Variants in MUSK observed in about 807,000 individuals in gnomAD.
MUSK encodes muscle associated receptor tyrosine kinase.
In MUSK, 55 loss-of-function variants were observed where a neutral mutation model predicts 88.7. The ratio of observed to expected loss-of-function variants is 0.62; its 90% CI spans 0.50 to 0.78. The LOEUF (loss-of-function observed/expected upper bound fraction) is 0.78, where lower values mean the gene tolerates loss of function less well. Among genes scored for constraint, MUSK ranks in the 30% least tolerant of loss-of-function variants. The probability of loss-of-function intolerance (pLI) is 0.00; values close to 1 mark genes in which losing one functional copy is unlikely to be tolerated. For synonymous variants in MUSK, 387 were observed against 391.9 expected (o/e 0.99, Z 0.15); for missense variants, 1,015 against 1,074.3 (o/e 0.94, Z 0.77).
At chr9:110,716,058 G>A (rs1185230564) in intron 5 of MUSK, among the ~76,000 whole-genome samples, 2 of 149,592 alleles carry the variant, frequency 1.3e-5, no homozygotes, top group African/African-American at 5.1e-5. Context: ...GATCTGTGCA[G>A]CAAACCACCG....
At chr9:110,764,253 G>A (rs916320559) in intron 8 of MUSK, among the ~76,000 whole-genome samples, 11 of 152,300 alleles carry the variant, frequency 7.2e-5, no homozygotes, top group East Asian at 3.9e-4. Flanking sequence ...GCAGTACCAC[G>A]AACTGCAGGC....
chr9:110,803,261 A>G lies in MUSK; in HGVS notation c.*2273A>G, dbSNP rs1233764886. The stretch of plus-strand genomic sequence containing the variant: ...TAAATATATGAACTTAAACCTCACA[A>G]CATCCCTGTAATGTTGGTACTATCA... On this transcript the variant is annotated 3_prime_UTR_variant, in exon 15 of 15. Transcript: ENST00000374448. Among the ~76,000 whole-genome samples the G allele has an allele frequency of 2.0e-5, 3 of 152,218 alleles. No homozygotes were observed. Among genetic ancestry groups the G allele is most frequent in the Non-Finnish European group, 4.4e-5 (3 of 68,034 alleles).
chr9:110,694,414 A>C (rs925413456), intron 3 of MUSK, among the ~76,000 whole-genome samples: 1 of 135,646 alleles, frequency 7.4e-6, no homozygotes, highest in Admixed American at 7.1e-5. Context: ...AAACAAAAAA[A>C]CAAAACCCAA....
chr9:110,686,312 C>G (rs1368871772), intron 2 of MUSK, among the ~76,000 whole-genome samples: 2 of 152,006 alleles, frequency 1.3e-5, no homozygotes, highest in East Asian at 3.9e-4. Flanking sequence ...AGGGACCATT[C>G]GAATAGTCCA....
At chr9:110,730,424 T>A (rs1051127899) in intron 5 of MUSK, among the ~76,000 whole-genome samples, 1 of 152,110 alleles carries the variant, frequency 6.6e-6, no homozygotes, top group African/African-American at 2.4e-5. Context: ...TAATTGTTTA[T>A]GTAACAAAAA....
chr9:110,729,338 A>AAAAAAAG (rs2076934502), intron 5 of MUSK, among the ~76,000 whole-genome samples: 2 of 147,110 alleles, frequency 1.4e-5, no homozygotes, highest in African/African-American at 2.5e-5. Flanking sequence ...AAAAAAAAAA[A>AAAAAAAG]AAAAAAGAAA....
intron 6 of MUSK, among the ~76,000 whole-genome samples, chr9:110,741,504 T>A (rs1354577491): frequency 1.3e-5 from 2 of 152,030 alleles, no homozygotes; most frequent in African/African-American, 4.8e-5. Flanking sequence ...TGCGTCAATG[T>A]GTGAAATTTT....
chr9:110,740,034 G>T (rs2077077188), intron 6 of MUSK, among the ~76,000 whole-genome samples: 1 of 152,116 alleles, frequency 6.6e-6, no homozygotes, highest in Non-Finnish European at 1.5e-5. Context: ...ATCCCAAATT[G>T]TGTTTAATGC....
intron 7 of MUSK, among the ~76,000 whole-genome samples, chr9:110,761,194 G>A (rs1047644549): frequency 1.3e-5 from 2 of 152,208 alleles, no homozygotes; most frequent in Admixed American, 6.5e-5. Flanking sequence ...GGCAGAGTCT[G>A]AGTTGGGGCT....
rs149190836 is a variant in MUSK, at chr9:110,788,046, A to G, written c.1927+208A>G. ...TATCCCTCTTTAAATTCATCACTTC[A>G]ATTTGTCTCTGTCTTTGCTGCCTCC... On this transcript the variant is annotated intron_variant, in intron 14 of 14. Coordinates refer to ENST00000374448, the MANE Select transcript of MUSK (RefSeq NM_005592.4). 312 of 571,010 alleles carry G rather than the reference A, an allele frequency of 5.5e-4. 1 individual carries two copies. Among genetic ancestry groups the G allele is most frequent in the African/African-American group, 5.2e-3 (273 of 52,794 alleles). 35.4% of individuals were successfully genotyped at this position (571,010 alleles called of 1,614,324 possible). A position where few individuals can be genotyped will look rare whatever the true frequency, so the allele number is the denominator to read the frequency against.
At chr9:110,758,386 T>C (rs952052370) in intron 7 of MUSK, among the ~76,000 whole-genome samples, 4 of 152,194 alleles carry the variant, frequency 2.6e-5, no homozygotes, top group South Asian at 2.1e-4. Context: ...ATTAATACCA[T>C]CTGTGATGAC....
intron 11 of MUSK, among the ~76,000 whole-genome samples, chr9:110,781,738 G>A (rs1373564509): frequency 1.3e-5 from 2 of 152,172 alleles, no homozygotes; most frequent in African/African-American, 4.8e-5. Context: ...CATAGACATA[G>A]CTGTCTTCTC....
chr9:110,715,655 T>C (rs766422517), intron 5 of MUSK, among the ~76,000 whole-genome samples: 60 of 148,398 alleles, frequency 4.0e-4, no homozygotes, highest in Non-Finnish European at 7.4e-4. Context: ...AATATTATTT[T>C]ATTTTCATAG....
At chr9:110,759,793 G>A (rs1158555123) in intron 7 of MUSK, among the ~76,000 whole-genome samples, 1 of 152,148 alleles carries the variant, frequency 6.6e-6, no homozygotes, top group African/African-American at 2.4e-5. Flanking sequence ...TCCAGTTAGA[G>A]TGGCTATTAT....
intron 11 of MUSK, among the ~76,000 whole-genome samples, chr9:110,781,885 T>C (rs981144151): frequency 2.0e-5 from 3 of 152,170 alleles, no homozygotes; most frequent in Non-Finnish European, 4.4e-5. Context: ...AAGACTCAGA[T>C]CATCATAACC....
chr9:110,678,557 A>G (rs1022633061), intron 1 of MUSK, among the ~76,000 whole-genome samples: 1 of 152,004 alleles, frequency 6.6e-6, no homozygotes. Context: ...TGCTAATCTA[A>G]TCTTTTTCTT....
chr9:110,704,271 T>C (rs1053252472), intron 5 of MUSK, among the ~76,000 whole-genome samples: 1 of 152,184 alleles, frequency 6.6e-6, no homozygotes, highest in African/African-American at 2.4e-5. Context: ...TCTAAATATG[T>C]GATGTAATTC....
Position 110,747,694 on chromosome 9 carries a change from A to G in MUSK, c.807A>G (p.Arg269=), listed in dbSNP as rs780233221. ...TGAAAGACCGAGTGATTGACTCAAG[A>G]CTGCAGCTGTTTATCACCAAGCCAG... ...ESVKDRVIDS[R]LQLFITKPGL... is the part of the protein sequence containing the mutation. Residue 269 remains arginine, a synonymous_variant, in exon 7 of 15, where the codon AGA becomes AGG. Coordinates refer to ENST00000374448, the MANE Select transcript of MUSK (RefSeq NM_005592.4). 5 of 1,613,838 alleles carry G rather than the reference A, an allele frequency of 3.1e-6. No individual in the cohort carries two copies. In the South Asian group the frequency reaches 3.3e-5, roughly 11 times the overall value.
intron 5 of MUSK, among the ~76,000 whole-genome samples, chr9:110,719,788 C>A (rs1259416708): frequency 1.3e-5 from 2 of 152,062 alleles, no homozygotes; most frequent in Admixed American, 1.3e-4. Context: ...GCAGAATATA[C>A]ATTGTAATCA....
Sources: allele counts gnomAD v4.1 joint callset (sites outside exome capture counted in the v4.1 genomes callset), GRCh38; gene constraint gnomAD v4.1.1; transcripts MANE v1.5; gene names NCBI Gene and HGNC (gene_info 2026-07-23, HGNC 2026-07-21).